The following MDFIC2 variants were observed in gnomAD, a reference collection of about 807,000 sequenced individuals.
MDFIC2 encodes myoD family inhibitor domain-containing protein 2.
chr3:70,224,818 G>A (rs1701489007), intron 2 of MDFIC2, among the ~76,000 whole-genome samples: 2 of 151,780 alleles, frequency 1.3e-5, no homozygotes, highest in Admixed American at 6.6e-5. Flanking sequence ...TGTAATTTTT[G>A]CAGTTTCCCC....
At chr3:70,197,695 C>T (rs889778032) in intron 3 of MDFIC2, among the ~76,000 whole-genome samples, 1 of 152,218 alleles carries the variant, frequency 6.6e-6, no homozygotes, top group Non-Finnish European at 1.5e-5. Flanking sequence ...GCGAAAAGCA[C>T]ATTTCAAAAC....
intron 2 of MDFIC2, among the ~76,000 whole-genome samples, chr3:70,248,364 A>G (rs1199253797): frequency 6.6e-6 from 1 of 152,088 alleles, no homozygotes; most frequent in African/African-American, 2.4e-5. Context: ...TTTGAAAAGC[A>G]TGTTATATTG....
rs541263767 is a variant in MDFIC2, at chr3:70,303,130, G to A, written c.88+8756C>T. On this transcript the variant is annotated intron_variant, in intron 2 of 3. Transcript: ENST00000567252. ...GTGCTTCATCAACAGCACATATCAC[G>A]TAAGAAAATATTATTCCTTGTGGAG... is the stretch of plus-strand genomic sequence containing the variant. Among the ~76,000 whole-genome samples, 25 of 152,268 alleles carry A rather than the reference G, an allele frequency of 1.6e-4. No homozygotes were observed. In the South Asian group the frequency reaches 4.1e-3, roughly 25 times the overall value.
At chr3:70,299,007 G>A (rs1244909898) in intron 2 of MDFIC2, among the ~76,000 whole-genome samples, 2 of 152,122 alleles carry the variant, frequency 1.3e-5, no homozygotes, top group African/African-American at 2.4e-5. Context: ...GCCATCCAAA[G>A]GTGAAAAGTA....
Position 70,197,077 on chromosome 3 carries a change from G to C in MDFIC2, c.419C>G (p.Ser140Cys), listed in dbSNP as rs1701189038. Reference sequence around the variant, plus strand: ...ATCCGAGGTGTGGTGATACCGGCGAGAGGGGCAGCACATTTTGGTACACAC... The same window carrying C: ...ATCCGAGGTGTGGTGATACCGGCGACAGGGGCAGCACATTTTGGTACACAC... ...ETVCTKMCCP[S>C]RRYHHTSDEN... Residue 140 changes from serine to cysteine, a missense_variant, in exon 4 of 4, where the codon TCT (serine) becomes TGT (cysteine). Physicochemically the swap from Ser to Cys is moderately radical, Grantham distance 112. Coordinates refer to ENST00000567252, the MANE Select transcript of MDFIC2 (RefSeq NM_001364677.1). 2 of 398,466 alleles carry C rather than the reference G, an allele frequency of 5.0e-6. No individual in the cohort carries two copies. The highest frequency in any genetic ancestry group is 8.8e-6 in the Non-Finnish European group (2 of 226,060). The allele number at this position is 398,466 out of a possible 1,614,324, so 24.7% of individuals were successfully genotyped here. A position where few individuals can be genotyped will look rare whatever the true frequency, so the allele number is the denominator to read the frequency against.
chr3:70,261,501 A>G (rs1701866704), intron 2 of MDFIC2, among the ~76,000 whole-genome samples: 2 of 152,068 alleles, frequency 1.3e-5, no homozygotes, highest in African/African-American at 4.8e-5. Flanking sequence ...CTATATCCTG[A>G]TTAATAATTA....
intron 2 of MDFIC2, among the ~76,000 whole-genome samples, chr3:70,289,067 T>C (rs1376498439): frequency 6.6e-6 from 1 of 152,178 alleles, no homozygotes; most frequent in Non-Finnish European, 1.5e-5. Flanking sequence ...ACATTTAAAG[T>C]TAATAGTGTT....
chr3:70,297,090 T>C (rs1457070372), intron 2 of MDFIC2, among the ~76,000 whole-genome samples: 1 of 152,244 alleles, frequency 6.6e-6, no homozygotes, highest in East Asian at 1.9e-4. Flanking sequence ...AAAATGTTCT[T>C]TTGAAATGAT....
chr3:70,298,241 T>C (rs1403081), intron 2 of MDFIC2, among the ~76,000 whole-genome samples: 31,577 of 152,042 alleles, frequency 0.21, 3,472 homozygotes, highest in South Asian at 0.28. Flanking sequence ...CTGATCATAG[T>C]TGATTCTGCC....
chr3:70,299,566 C>T (rs537293165), intron 2 of MDFIC2, among the ~76,000 whole-genome samples: 2 of 152,270 alleles, frequency 1.3e-5, no homozygotes, highest in South Asian at 4.1e-4. Context: ...CAGTCCATGG[C>T]CAAGGCTCGT....
intron 2 of MDFIC2, among the ~76,000 whole-genome samples, chr3:70,229,866 G>T (rs1701542077): frequency 6.6e-6 from 1 of 152,040 alleles, no homozygotes; most frequent in South Asian, 2.1e-4. Context: ...AATCAGCCTA[G>T]CTAATAACAT....
intron 2 of MDFIC2, among the ~76,000 whole-genome samples, chr3:70,294,037 A>C (rs1168476533): frequency 1.3e-5 from 2 of 152,186 alleles, no homozygotes; most frequent in African/African-American, 4.8e-5. Flanking sequence ...AATATTTATC[A>C]ATTTTTATTA....
intron 2 of MDFIC2, among the ~76,000 whole-genome samples, chr3:70,258,257 C>T (rs778247228): frequency 9.9e-5 from 15 of 151,888 alleles, no homozygotes; most frequent in Non-Finnish European, 1.8e-4. Flanking sequence ...GATCAGACAC[C>T]AAAAGCATGA....
chr3:70,258,387 GA>G (rs1701836753), intron 2 of MDFIC2, among the ~76,000 whole-genome samples: 1 of 151,978 alleles, frequency 6.6e-6, no homozygotes, highest in African/African-American at 2.4e-5. Flanking sequence ...TCATTTATTG[GA>G]AAAATAACTT....
At chr3:70,252,877 C>T (rs913431348) in intron 2 of MDFIC2, among the ~76,000 whole-genome samples, 2 of 151,838 alleles carry the variant, frequency 1.3e-5, no homozygotes, top group African/African-American at 2.4e-5. Flanking sequence ...GTCAGGAGTT[C>T]GAGACCAGCG....
At chr3:70,247,994 A>C (rs990229724) in intron 2 of MDFIC2, among the ~76,000 whole-genome samples, 1 of 152,124 alleles carries the variant, frequency 6.6e-6, no homozygotes, top group Non-Finnish European at 1.5e-5. Flanking sequence ...TCAAAATAAA[A>C]GTCTAAACAG....
chr3:70,205,157 A>C (rs1039997495), intron 3 of MDFIC2: 1 of 152,096 alleles, frequency 6.6e-6, no homozygotes, highest in South Asian at 2.1e-4. Flanking sequence ...TGGAAAACTT[A>C]GAAATTTTAC....
At chr3:70,241,029 C>G (rs1280861823) in intron 2 of MDFIC2, among the ~76,000 whole-genome samples, 1 of 152,138 alleles carries the variant, frequency 6.6e-6, no homozygotes. Flanking sequence ...CATTTTTACA[C>G]CTTGTAACCA....
At chr3:70,302,372 A>T (rs1300473961) in intron 2 of MDFIC2, among the ~76,000 whole-genome samples, 2 of 152,266 alleles carry the variant, frequency 1.3e-5, no homozygotes, top group African/African-American at 4.8e-5. Context: ...ATAATCTTAT[A>T]AAAGTAAAGT....
Sources: gnomAD v4.1 joint callset for allele counts (sites outside exome capture counted in the v4.1 genomes callset) on GRCh38, gnomAD v4.1.1 for gene constraint, MANE v1.5 for transcripts, NCBI Gene and HGNC (gene_info 2026-07-23, HGNC 2026-07-21) for gene names.